Variants in GPHN observed in about 807,000 individuals in gnomAD.
GPHN encodes the protein gephyrin.
In GPHN, 17 loss-of-function variants were observed where a neutral mutation model predicts 95.5. The observed-to-expected ratio is 0.18, with a 90% CI of 0.12 to 0.27. The LOEUF (loss-of-function observed/expected upper bound fraction) is 0.27, where lower values mean the gene tolerates loss of function less well. Among genes scored for constraint, GPHN ranks in the 10% least tolerant of loss-of-function variants. The pLI is 1.00. For synonymous variants in GPHN, 320 were observed against 322.5 expected (o/e 0.99, Z 0.08); for missense variants, 660 against 978.1 (o/e 0.67, Z 4.34).
At chr14:67,207,015 C>T in the GPHN span, among the ~76,000 whole-genome samples, 1 of 152,122 alleles carries the variant, frequency 6.6e-6, no homozygotes, top group Non-Finnish European at 1.5e-5. Context: ...TAGCTTTATT[C>T]ATTATAGGAT....
chr14:67,491,699 C>T, the GPHN span, among the ~76,000 whole-genome samples: 2 of 152,190 alleles, frequency 1.3e-5, no homozygotes, highest in Non-Finnish European at 2.9e-5. Context: ...GCCCCCAGTT[C>T]TTCTCACGTG....
intron 3 of GPHN, among the ~76,000 whole-genome samples, chr14:66,804,304 G>A (rs1019672645): frequency 3.3e-5 from 5 of 152,100 alleles, no homozygotes; most frequent in Non-Finnish European, 7.4e-5. Context: ...CAGCTCTCTT[G>A]TCTCCAGCCT....
chr14:67,389,027 G>A, the GPHN span, among the ~76,000 whole-genome samples: 2 of 151,398 alleles, frequency 1.3e-5, no homozygotes, highest in Admixed American at 6.6e-5. Context: ...ATAGGACATC[G>A]TTACACAAAT....
chr14:66,959,688 T>C (rs950362727), intron 8 of GPHN, among the ~76,000 whole-genome samples: 5 of 152,138 alleles, frequency 3.3e-5, no homozygotes, highest in Non-Finnish European at 7.4e-5. Context: ...TTCAACAATT[T>C]GATTATAATG....
chr14:67,666,028 G>C, the GPHN span, among the ~76,000 whole-genome samples: 6 of 152,336 alleles, frequency 3.9e-5, no homozygotes, highest in East Asian at 5.8e-4. Context: ...CCATGGAGCA[G>C]TATTGTATTA....
chr14:67,059,221 A>G (rs781682938), intron 11 of GPHN, among the ~76,000 whole-genome samples: 37 of 151,996 alleles, frequency 2.4e-4, no homozygotes, highest in Non-Finnish European at 4.3e-4. Context: ...ATTTAAATGT[A>G]AAAATGTAAA....
In GPHN at chr14:66,561,915, C is replaced by A. The variant is rs80265980; in HGVS notation, c.64+53324C>A. 7.2e-5 allele frequency among the ~76,000 whole-genome samples: 11 copies of A among 152,192 alleles called. No individual in the cohort carries two copies. The East Asian group carries it at 2.1e-3, about 29-fold the overall frequency. On this transcript the variant is annotated intron_variant, in intron 1 of 22. Coordinates refer to ENST00000478722, the MANE Select transcript of GPHN (RefSeq NM_020806.5). ...CCTTGCCATTTCCACCTTCTAGAGG[C>A]TGCCTGCATACCTTAGCTCATGGCC...
chr14:67,345,600 T>A, the GPHN span, among the ~76,000 whole-genome samples: 1 of 152,104 alleles, frequency 6.6e-6, no homozygotes, highest in African/African-American at 2.4e-5. Flanking sequence ...GGGACAATGG[T>A]ACAAAAGCCA....
the GPHN span, among the ~76,000 whole-genome samples, chr14:67,388,715 TG>T: frequency 6.6e-6 from 1 of 152,148 alleles, no homozygotes; most frequent in Non-Finnish European, 1.5e-5. Context: ...AGTCTCACTC[TG>T]TCTTTCAGGC....
chr14:66,709,251 G>A lies in GPHN; in HGVS notation c.143+28066G>A, dbSNP rs2069380862. The stretch of plus-strand genomic sequence containing the variant: ...CAACCATTCTTTTAAACATAAAATA[G>A]CACTATTAAACAGGATTAGAACTCT... On this transcript the variant is annotated intron_variant, in intron 2 of 22. Coordinates refer to ENST00000478722, the MANE Select transcript of GPHN (RefSeq NM_020806.5). The A allele has an allele frequency of 7.8e-6, 3 of 384,744 alleles. No individual in the cohort carries two copies. The Admixed American group carries it at 8.1e-5, about 10-fold the overall frequency. The allele number at this position is 384,744 out of a possible 1,614,324, so 23.8% of individuals were successfully genotyped here. A position where few individuals can be genotyped will look rare whatever the true frequency, so the allele number is the denominator to read the frequency against.
chr14:66,563,798 C>CTGAT (rs2060357983), intron 1 of GPHN, among the ~76,000 whole-genome samples: 1 of 151,916 alleles, frequency 6.6e-6, no homozygotes, highest in African/African-American at 2.4e-5. Flanking sequence ...CTTGCTAATT[C>CTGAT]TGATTGCTTG....
the GPHN span, among the ~76,000 whole-genome samples, chr14:67,609,375 G>C: frequency 0.012 from 1,817 of 152,294 alleles, 43 homozygotes; most frequent in African/African-American, 0.04. Flanking sequence ...AGGCGCTTTT[G>C]TCCCATGGAG....
rs1284766566 is a variant in GPHN, at chr14:66,585,945, G to T, written c.64+77354G>T. Among the ~76,000 whole-genome samples, 10 of 152,160 alleles carry T rather than the reference G, an allele frequency of 6.6e-5. No homozygotes were observed. In the East Asian group the frequency reaches 1.4e-3, roughly 21 times the overall value. On this transcript the variant is annotated intron_variant, in intron 1 of 22. Coordinates refer to ENST00000478722, the MANE Select transcript of GPHN (RefSeq NM_020806.5). ...CTGAGTTCAATTCCTGGATATCCTT[G>T]TTAACTTTCTGTCTCGTTGATCTGT...
the GPHN span, among the ~76,000 whole-genome samples, chr14:67,431,960 T>C: frequency 1.3e-5 from 2 of 152,244 alleles, no homozygotes; most frequent in East Asian, 3.8e-4. Flanking sequence ...TTATTTAATG[T>C]GTTCATGTTG....
At chr14:67,710,302 A>G in the GPHN span, among the ~76,000 whole-genome samples, 1 of 152,240 alleles carries the variant, frequency 6.6e-6, no homozygotes, top group African/African-American at 2.4e-5. Context: ...CAAGAGAGAT[A>G]CACAGATGTA....
At chr14:67,485,888 C>A in the GPHN span, among the ~76,000 whole-genome samples, 2 of 152,248 alleles carry the variant, frequency 1.3e-5, no homozygotes, top group East Asian at 3.8e-4. Context: ...TCCAGATCCC[C>A]TGGTGGTCAC....
chr14:67,353,050 C>G, the GPHN span: 1 of 1,588,148 alleles, frequency 6.3e-7, no homozygotes, highest in Non-Finnish European at 8.6e-7. Context: ...CCTATATAAA[C>G]ATAAACAAAG....
the GPHN span, among the ~76,000 whole-genome samples, chr14:67,496,401 T>TTTTTG: frequency 8.0e-6 from 1 of 124,476 alleles, no homozygotes; most frequent in East Asian, 2.4e-4. Flanking sequence ...GTTTTTTTTT[T>TTTTTG]TTTTTTTTTT....
chr14:67,223,488 T>C, the GPHN span, among the ~76,000 whole-genome samples: 1 of 152,222 alleles, frequency 6.6e-6, no homozygotes, highest in Non-Finnish European at 1.5e-5. Context: ...TGAGCTGCCA[T>C]GTTTGTAGTC....
Sources: gnomAD v4.1 joint callset for allele counts (sites outside exome capture counted in the v4.1 genomes callset) on GRCh38, gnomAD v4.1.1 for gene constraint, MANE v1.5 for transcripts, NCBI Gene and HGNC (gene_info 2026-07-23, HGNC 2026-07-21) for gene names.